Variants in ZNF277 observed in about 807,000 individuals in gnomAD.
ZNF277 encodes the protein zinc finger protein 277.
ZNF277 carries 55 observed loss-of-function variants against 60.7 expected under a neutral mutation model. The observed-to-expected ratio is 0.91, with a 90% confidence interval of 0.73 to 1.13. The LOEUF is 1.13. ZNF277 is among the 50% of genes most tolerant of loss of function. The pLI is 0.00. For synonymous variants in ZNF277, 178 were observed against 179.3 expected (o/e 0.99, Z 0.06); for missense variants, 510 against 523.0 (o/e 0.98, Z 0.24).
At chr7:112,332,691 A>G (rs906892526) in intron 7 of ZNF277, among the ~76,000 whole-genome samples, 1 of 152,116 alleles carries the variant, frequency 6.6e-6, no homozygotes, top group Non-Finnish European at 1.5e-5. Flanking sequence ...CCCTATTCCT[A>G]TGCGAAATTC....
chr7:112,288,977 AAAG>A (rs1291335548), intron 2 of ZNF277: 1 of 151,124 alleles, frequency 6.6e-6, no homozygotes, highest in East Asian at 1.9e-4. Context: ...AAAAAAAAAA[AAAG>A]AAGAGTATGT....
chr7:112,319,869 A>G (rs1405432040), intron 5 of ZNF277, among the ~76,000 whole-genome samples: 5 of 151,818 alleles, frequency 3.3e-5, no homozygotes, highest in Admixed American at 6.6e-5. Flanking sequence ...GGGCATAACA[A>G]TAAAGGCTGG....
At chr7:112,310,196 A>G (rs1030251464) in intron 4 of ZNF277, among the ~76,000 whole-genome samples, 2 of 151,952 alleles carry the variant, frequency 1.3e-5, no homozygotes, top group Admixed American at 1.3e-4. Flanking sequence ...CACTAATCAC[A>G]TTGTTGGTCT....
intron 1 of ZNF277, among the ~76,000 whole-genome samples, chr7:112,241,263 T>C (rs9641480): frequency 0.12 from 18,284 of 152,008 alleles, 1,246 homozygotes; most frequent in East Asian, 0.16. Context: ...GAAAAGGTAC[T>C]CAACATAACT....
intron 4 of ZNF277, among the ~76,000 whole-genome samples, chr7:112,310,478 A>AGAGAGAGAGAGAGAGAGAGT (rs762824873): frequency 0.02 from 2,492 of 125,328 alleles, 158 homozygotes; most frequent in African/African-American, 0.088. Flanking sequence ...AGAGAGAGAG[A>AGAGAGAGAGAGAGAGAGAGT]GTGTGTGTGT....
rs147282287 is a variant in ZNF277, at chr7:112,322,226, T to C, written c.557+3953T>C. On this transcript the variant is annotated intron_variant, in intron 5 of 11. Transcript: ENST00000361822. ...ATCAAATTCGAAAAGTTTTCAGACA[T>C]TATTTCTTTAAATGTTGTTTCTGCC... is the stretch of plus-strand genomic sequence containing the variant. Among the ~76,000 whole-genome samples, 6 of 151,756 alleles carry C rather than the reference T, an allele frequency of 4.0e-5. No homozygotes were observed. The East Asian group carries it at 9.7e-4, about 24-fold the overall frequency.
chr7:112,262,278 A>G (rs1289037421), intron 1 of ZNF277, among the ~76,000 whole-genome samples: 1 of 150,782 alleles, frequency 6.6e-6, no homozygotes, highest in East Asian at 2.0e-4. Flanking sequence ...TCATTGAGCC[A>G]CGTGTGTAGA....
At chr7:112,260,246 T>C (rs1316037650) in intron 1 of ZNF277, among the ~76,000 whole-genome samples, 3 of 152,136 alleles carry the variant, frequency 2.0e-5, no homozygotes, top group Admixed American at 6.5e-5. Flanking sequence ...ACCCTAGTGA[T>C]AGGAGTGAGA....
intron 4 of ZNF277, among the ~76,000 whole-genome samples, chr7:112,298,169 A>G (rs1380332337): frequency 1.3e-5 from 2 of 152,208 alleles, no homozygotes; most frequent in Non-Finnish European, 1.5e-5. Context: ...TAGAGAAGAA[A>G]GATAAATATG....
rs1236862728 is a variant in ZNF277 at position 112,342,664 on chromosome 7, A to G, written c.1288A>G (p.Ser430Gly). ...QEQNENVPII[S>G]EDTSKLYALK... is the part of the protein sequence containing the mutation. ...ACAAAATGAAAATGTTCCCATCATC[A>G]GTGAAGATACATCTAAACTGTATGC... The change falls in exon 12 of 12, where the codon AGT becomes GGT. Residue 430 changes from serine to glycine, a missense_variant. Physicochemically the swap from Ser to Gly is moderately conservative, Grantham distance 56. Coordinates refer to ENST00000361822, the MANE Select transcript of ZNF277 (RefSeq NM_021994.3). 6.2e-7 allele frequency: 1 copy of G among 1,612,622 alleles called. No homozygotes were observed.
At chr7:112,260,043 A>G (rs10278528) in intron 1 of ZNF277, among the ~76,000 whole-genome samples, 10,572 of 152,164 alleles carry the variant, frequency 0.069, 1,054 homozygotes, top group African/African-American at 0.22. Flanking sequence ...AACGCGGGTG[A>G]ATTGCTTGAG....
At chr7:112,246,840 CA>C (rs1203734485) in intron 1 of ZNF277, among the ~76,000 whole-genome samples, 3 of 152,124 alleles carry the variant, frequency 2.0e-5, no homozygotes, top group African/African-American at 7.2e-5. Flanking sequence ...AAAGGCAGAG[CA>C]AACTATTTTG....
intron 9 of ZNF277, among the ~76,000 whole-genome samples, chr7:112,338,029 T>G (rs1349312594): frequency 5.9e-5 from 9 of 152,168 alleles, no homozygotes. Flanking sequence ...TTTGTTAGTG[T>G]GAGATTTCTC....
chr7:112,301,476 T>C (rs1398341922), intron 4 of ZNF277, among the ~76,000 whole-genome samples: 2 of 152,206 alleles, frequency 1.3e-5, no homozygotes, highest in East Asian at 1.9e-4. Context: ...ACTACTGATA[T>C]AGCAGTGGAT....
At chr7:112,238,652 T>C (rs987178689) in intron 1 of ZNF277, among the ~76,000 whole-genome samples, 2 of 151,546 alleles carry the variant, frequency 1.3e-5, no homozygotes, top group Non-Finnish European at 2.9e-5. Context: ...GACTCCATCC[T>C]TGGTCTGAGG....
intron 1 of ZNF277, among the ~76,000 whole-genome samples, chr7:112,224,720 C>G (rs1465217172): frequency 1.3e-5 from 2 of 152,132 alleles, no homozygotes; most frequent in African/African-American, 4.8e-5. Context: ...AGGACGGGGC[C>G]TAGTCAGGAA....
intron 4 of ZNF277, among the ~76,000 whole-genome samples, chr7:112,313,485 T>C (rs773111385): frequency 6.6e-5 from 10 of 152,016 alleles, no homozygotes; most frequent in Non-Finnish European, 1.5e-4. Context: ...GGTCTCCCTA[T>C]GTTGCCCAGG....
intron 1 of ZNF277, among the ~76,000 whole-genome samples, chr7:112,279,374 G>T (rs987375936): frequency 6.6e-6 from 1 of 151,764 alleles, no homozygotes; most frequent in Non-Finnish European, 1.5e-5. Context: ...GATTTTCTGG[G>T]TTTTTTTTAG....
chr7:112,253,647 C>T (rs1010717487), intron 1 of ZNF277, among the ~76,000 whole-genome samples: 1 of 152,114 alleles, frequency 6.6e-6, no homozygotes, highest in African/African-American at 2.4e-5. Flanking sequence ...GCCTCAGGGC[C>T]ATCATGCCTT....
Sources: gnomAD v4.1 joint callset for allele counts (sites outside exome capture counted in the v4.1 genomes callset) on GRCh38, gnomAD v4.1.1 for gene constraint, MANE v1.5 for transcripts, NCBI Gene and HGNC (gene_info 2026-07-23, HGNC 2026-07-21) for gene names.